ABCB11: variants seen among roughly 807,000 people sequenced by gnomAD.
ABCB11 encodes bile salt export pump.
Under a neutral mutation model 148.0 loss-of-function variants are expected in ABCB11, and 95 were observed. The observed-to-expected ratio is 0.64, with a 90% confidence interval of 0.54 to 0.76. The LOEUF (loss-of-function observed/expected upper bound fraction) is 0.76, where lower values mean the gene tolerates loss of function less well. Ranked by LOEUF, ABCB11 falls within the 30% of genes least tolerant of loss-of-function variation. The pLI is 0.00. For missense variants in ABCB11, 1,523 were observed against 1,617.8 expected (o/e 0.94, Z 1.01); for synonymous variants, 591 against 555.4 (o/e 1.06, Z -0.90).
Position 168,979,919 on chromosome 2 carries a change from C to T in ABCB11, c.1144G>A (p.Ala382Thr). The change falls in exon 11 of 28, where the codon GCC (alanine) becomes ACC (threonine). Residue 382 changes from alanine to threonine, a missense_variant. Physicochemically the swap from Ala to Thr is moderately conservative, Grantham distance 58 (BLOSUM62 0). Coordinates refer to ENST00000650372, the MANE Select transcript of ABCB11 (RefSeq NM_003742.4). ...GCTGCTGCACGTCCAGTTGCAAAGG[C>T]TTCCAAACAAGGAGAGGCATTGCCA... ...NLGNASPCLE[A>T]FATGRAAATS... 1 of 1,611,628 alleles carries T rather than the reference C, an allele frequency of 6.2e-7. No individual in the cohort carries two copies. The highest frequency in any genetic ancestry group is 8.5e-7 in the Non-Finnish European group (1 of 1,178,384).
At chr2:169,005,861 CAT>C (rs1294503744) in intron 5 of ABCB11, among the ~76,000 whole-genome samples, 5 of 152,154 alleles carry the variant, frequency 3.3e-5, no homozygotes, top group East Asian at 3.9e-4. Context: ...TTTTTAAAGA[CAT>C]AGAAAATCTG....
At position 168,985,367 on chromosome 2, in the gene ABCB11, A is replaced by AC. The variant is rs1453594284; in HGVS notation, c.1083+742dup. Among the ~76,000 whole-genome samples the AC allele has an allele frequency of 5.9e-5, 9 of 152,292 alleles. No individual in the cohort carries two copies. The East Asian group carries it at 1.4e-3, about 23-fold the overall frequency. Reference sequence around the variant, plus strand: ...TCCTTAAAGAACTGAACATAGAACTACCATTTGATCCAGCAATCCCACTAC... The same window carrying AC: ...TCCTTAAAGAACTGAACATAGAACTACCCATTTGATCCAGCAATCCCACTAC... On this transcript the variant is annotated intron_variant, in intron 10 of 27. Coordinates refer to ENST00000650372, the MANE Select transcript of ABCB11 (RefSeq NM_003742.4).
At chr2:168,935,962 G>T (rs1691800898) in intron 22 of ABCB11, among the ~76,000 whole-genome samples, 1 of 152,208 alleles carries the variant, frequency 6.6e-6, no homozygotes, top group Non-Finnish European at 1.5e-5. Flanking sequence ...TTGGAATGTG[G>T]AATGAATCAC....
intron 23 of ABCB11, 129 bp downstream of exon 23, chr2:168,935,053 TAA>T: frequency 1.5e-6 from 2 of 1,308,104 alleles, no homozygotes; most frequent in African/African-American, 2.9e-5. Context: ...TCTTGAGAAA[TAA>T]TTAATCCCAG....
chr2:168,986,049 C>T, intron 10 of ABCB11, 61 bp downstream of exon 10: 1 of 1,316,866 alleles, frequency 7.6e-7, no homozygotes, highest in East Asian at 2.6e-5. Flanking sequence ...ATATCTAATC[C>T]ATGGACTTTT....
chr2:168,926,326 G>A (rs1182705513), intron 26 of ABCB11, among the ~76,000 whole-genome samples: 1 of 152,206 alleles, frequency 6.6e-6, no homozygotes, highest in African/African-American at 2.4e-5. Context: ...ACATTGCCAA[G>A]TAATGAAATA....
At chr2:168,994,711 T>G (rs1694660068) in intron 7 of ABCB11, among the ~76,000 whole-genome samples, 1 of 152,092 alleles carries the variant, frequency 6.6e-6, no homozygotes, top group Non-Finnish European at 1.5e-5. Context: ...TGAATATAAT[T>G]ATATTAAATT....
chr2:168,973,897 A>G, intron 12 of ABCB11, 57 bp from the exon 13 acceptor site: 1 of 1,588,824 alleles, frequency 6.3e-7, no homozygotes. Context: ...AAATCAAACA[A>G]TTAGGCTACA....
At chr2:169,011,734 C>T (rs1695195269) in intron 5 of ABCB11, among the ~76,000 whole-genome samples, 1 of 152,102 alleles carries the variant, frequency 6.6e-6, no homozygotes, top group South Asian at 2.1e-4. Flanking sequence ...TAATCACAGC[C>T]AACTGCAGCC....
chr2:168,941,522 C>T (rs1409015705), intron 21 of ABCB11, among the ~76,000 whole-genome samples: 1 of 152,012 alleles, frequency 6.6e-6, no homozygotes, highest in Non-Finnish European at 1.5e-5. Context: ...GCTGCAATCT[C>T]ATGATAAAAC....
intron 1 of ABCB11, among the ~76,000 whole-genome samples, chr2:169,030,948 T>G (rs1193353843): frequency 1.3e-5 from 2 of 152,080 alleles, no homozygotes; most frequent in African/African-American, 4.8e-5. Flanking sequence ...ATTCGGCCAT[T>G]TGTACCACAC....
chr2:168,932,396 T>C lies in ABCB11; in HGVS notation c.3194A>G (p.Asn1065Ser). Reference sequence around the variant, plus strand: ...ACTTACCCATTTTTCACCTGCAGTATTGTATACACTGATTGGGGGTTGTCG... The same window carrying C: ...ACTTACCCATTTTTCACCTGCAGTACTGTATACACTGATTGGGGGTTGTCG... ...LDRQPPISVYNTAGEKWDNFQ... is the reference protein window; with the variant it reads ...LDRQPPISVYSTAGEKWDNFQ... The change falls in exon 24 of 28, where the codon AAT (asparagine) becomes AGT (serine). Residue 1065 changes from asparagine (N) to serine (S), a missense_variant. Asn to Ser is a conservative substitution (Grantham distance 46). Transcript: ENST00000650372. 2.6e-6 allele frequency: 4 copies of C among 1,567,474 alleles called. No individual in the cohort carries two copies. Among genetic ancestry groups the C allele is most frequent in the Admixed American group, 1.9e-5 (1 of 52,488 alleles).
chr2:168,941,988 C>T (rs1407228949), intron 21 of ABCB11, among the ~76,000 whole-genome samples: 1 of 151,706 alleles, frequency 6.6e-6, no homozygotes, highest in Non-Finnish European at 1.5e-5. Context: ...TGGTCTGAAA[C>T]CAAACCTGTA....
intron 23 of ABCB11, among the ~76,000 whole-genome samples, chr2:168,934,417 T>C (rs541056739): frequency 1.3e-5 from 2 of 152,294 alleles, no homozygotes; most frequent in Admixed American, 1.3e-4. Context: ...CATATACATG[T>C]GTACCTCGTT....
Position 168,971,829 on chromosome 2 carries a change from A to T in ABCB11, c.1638+18T>A. On this transcript the variant is annotated intron_variant, in intron 14 of 27. Coordinates refer to ENST00000650372, the MANE Select transcript of ABCB11 (RefSeq NM_003742.4). ...TATGACCTCTTAGTTTCTCCCAGGA[A>T]TGTATGGCTAGGGGTACCTGTGGCA... 1 of 1,610,124 alleles carries T rather than the reference A, an allele frequency of 6.2e-7. No individual in the cohort carries two copies. Among genetic ancestry groups the T allele is most frequent in the South Asian group, 1.1e-5 (1 of 90,980 alleles).
At chr2:168,965,096 T>C (rs1490906091) in intron 17 of ABCB11, among the ~76,000 whole-genome samples, 3 of 151,784 alleles carry the variant, frequency 2.0e-5, no homozygotes, top group Non-Finnish European at 2.9e-5. Context: ...GAAAAAGAAA[T>C]GTATGGCAGG....
Position 169,013,429 on chromosome 2 carries a change from C to T in ABCB11, c.232G>A (p.Gly78Ser), listed in dbSNP as rs971497476. ...CAFLHGIAQP[G>S]VLLIFGTMTD... ...ATTGTGCCAAAAATGAGTAGCACGC[C>T]TGGCTGGGCTATTCCATGGAGAAAT... is the stretch of plus-strand genomic sequence containing the variant. Residue 78 changes from glycine to serine, a missense_variant, in exon 5 of 28, where the codon GGC (glycine) becomes AGC (serine). Physicochemically the swap from Gly to Ser is moderately conservative, Grantham distance 56. Transcript: ENST00000650372. 1 of 1,613,778 alleles carries T rather than the reference C, an allele frequency of 6.2e-7. No homozygotes were observed. The highest frequency in any genetic ancestry group is 1.1e-5 in the South Asian group (1 of 91,078).
intron 5 of ABCB11, among the ~76,000 whole-genome samples, chr2:169,009,627 T>A (rs1391963876): frequency 2.0e-5 from 3 of 151,088 alleles, no homozygotes; most frequent in African/African-American, 7.3e-5. Context: ...TACCTAATGT[T>A]AAATGACGAG....
chr2:168,934,958 G>A (rs1691747254), intron 23 of ABCB11, among the ~76,000 whole-genome samples: 1 of 152,210 alleles, frequency 6.6e-6, no homozygotes, highest in South Asian at 2.1e-4. Flanking sequence ...TCATCTGCTA[G>A]ACAGGCCATG....
Sources: allele counts gnomAD v4.1 joint callset (sites outside exome capture counted in the v4.1 genomes callset), GRCh38; gene constraint gnomAD v4.1.1; transcripts MANE v1.5; gene names NCBI Gene and HGNC (gene_info 2026-07-23, HGNC 2026-07-21).